CNNM2: variants seen among roughly 807,000 people sequenced by gnomAD.
CNNM2 encodes the protein metal transporter CNNM2.
A neutral mutation model predicts 66.9 loss-of-function variants in CNNM2; 12 were observed. The observed-to-expected ratio is 0.18, with a 90% confidence interval of 0.11 to 0.29. The LOEUF (loss-of-function observed/expected upper bound fraction) is 0.29, where lower values mean the gene tolerates loss of function less well. CNNM2 is among the 10% of genes least tolerant of loss of function. The pLI is 1.00. For synonymous variants in CNNM2, 557 were observed against 501.8 expected (o/e 1.11, Z -1.47); for missense variants, 705 against 1,167.7 (o/e 0.60, Z 5.77).
Position 103,086,128 on chromosome 10 carries a change from T to C in CNNM2, c.*8948T>C, listed in dbSNP as rs920189507. ...ATCCCTGCTCCTTAGCAGTAGTGCA[T>C]GTTTTTCTTCTATCTGCAGGGTTGC... is the stretch of plus-strand genomic sequence containing the variant. On this transcript the variant is annotated 3_prime_UTR_variant, in exon 8 of 8. Coordinates refer to ENST00000369878, the MANE Select transcript of CNNM2 (RefSeq NM_017649.5). The C allele has an allele frequency of 2.0e-5, 3 of 152,304 alleles. No homozygotes were observed. Among genetic ancestry groups the C allele is most frequent in the Non-Finnish European group, 2.9e-5 (2 of 68,042 alleles). The allele number at this position is 152,304 out of a possible 1,614,324, so 9.4% of individuals were successfully genotyped here.
chr10:103,009,193 T>TGGGAGGC (rs1409868764), intron 1 of CNNM2, among the ~76,000 whole-genome samples: 1 of 152,124 alleles, frequency 6.6e-6, no homozygotes, highest in Non-Finnish European at 1.5e-5. Context: ...GGAGAAGCAC[T>TGGGAGGC]TGAACCAGGA....
Position 103,086,325 on chromosome 10 carries a change from G to A in CNNM2, c.*9145G>A, listed in dbSNP as rs2065809611. On this transcript the variant is annotated 3_prime_UTR_variant, in exon 8 of 8. Coordinates refer to ENST00000369878, the MANE Select transcript of CNNM2 (RefSeq NM_017649.5). ...TGAGCCCTAAACTACTAAGCCCAGT[G>A]AGGAATTGGAGCGTTAACTGTATGG... The A allele has an allele frequency of 1.3e-5, 2 of 152,188 alleles. No homozygotes were observed. The highest frequency in any genetic ancestry group is 6.5e-5 in the Admixed American group (1 of 15,280). The allele number at this position is 152,188 out of a possible 1,614,324, so 9.4% of individuals were successfully genotyped here.
intron 1 of CNNM2, among the ~76,000 whole-genome samples, chr10:103,041,976 C>T (rs1355455747): frequency 6.6e-6 from 1 of 152,146 alleles, no homozygotes; most frequent in Non-Finnish European, 1.5e-5. Flanking sequence ...CTGTAGCTTA[C>T]CTCTGTGTCT....
intron 1 of CNNM2, among the ~76,000 whole-genome samples, chr10:102,984,078 A>G (rs1306870229): frequency 6.6e-6 from 1 of 152,180 alleles, no homozygotes; most frequent in Non-Finnish European, 1.5e-5. Flanking sequence ...TTATGAGCCT[A>G]CTGTTGGTTG....
intron 1 of CNNM2, among the ~76,000 whole-genome samples, chr10:102,929,714 A>G (rs1846002844): frequency 6.6e-6 from 1 of 152,190 alleles, no homozygotes; most frequent in Admixed American, 6.5e-5. Context: ...TCATCCGTTG[A>G]TAGACATTTA....
chr10:103,053,503 A>C (rs2065248857), intron 2 of CNNM2, among the ~76,000 whole-genome samples: 1 of 152,230 alleles, frequency 6.6e-6, no homozygotes, highest in Admixed American at 6.5e-5. Flanking sequence ...GCAATAGAGC[A>C]AGAGCCTGTC....
At chr10:103,000,297 G>T (rs572205389) in intron 1 of CNNM2, among the ~76,000 whole-genome samples, 7 of 151,566 alleles carry the variant, frequency 4.6e-5, no homozygotes, top group East Asian at 1.9e-4. Context: ...TGGAATAGCT[G>T]CTATAGAAAA....
intron 4 of CNNM2, among the ~76,000 whole-genome samples, chr10:103,064,432 C>T (rs574402795): frequency 6.6e-6 from 1 of 152,184 alleles, no homozygotes; most frequent in Non-Finnish European, 1.5e-5. Context: ...CTCACTATTT[C>T]GCCCAGGCTA....
chr10:102,921,530 C>T (rs138527934), intron 1 of CNNM2, among the ~76,000 whole-genome samples: 99 of 152,248 alleles, frequency 6.5e-4, no homozygotes, highest in African/African-American at 2.1e-3. Flanking sequence ...CATTTAAAAG[C>T]AGAAGGAGGT....
At chr10:103,000,518 A>G (rs890690560) in intron 1 of CNNM2, among the ~76,000 whole-genome samples, 4 of 151,852 alleles carry the variant, frequency 2.6e-5, no homozygotes, top group Non-Finnish European at 4.4e-5. Context: ...CAGTGGTGCA[A>G]TCTCGGCTCA....
At chr10:102,926,882 AT>A (rs1295985208) in intron 1 of CNNM2, among the ~76,000 whole-genome samples, 3 of 151,194 alleles carry the variant, frequency 2.0e-5, no homozygotes, top group Non-Finnish European at 3.0e-5. Flanking sequence ...TGCCCGGCTA[AT>A]TTTTTTTGTA....
At chr10:102,970,480 C>T (rs1482147652) in intron 1 of CNNM2, among the ~76,000 whole-genome samples, 1 of 152,176 alleles carries the variant, frequency 6.6e-6, no homozygotes, top group South Asian at 2.1e-4. Context: ...GTACAGCCTG[C>T]GTAGCCTAAA....
intron 1 of CNNM2, among the ~76,000 whole-genome samples, chr10:103,036,268 C>T (rs2064936377): frequency 6.6e-6 from 1 of 152,186 alleles, no homozygotes; most frequent in Non-Finnish European, 1.5e-5. Flanking sequence ...GCTGGAATCC[C>T]ACAGGCACAG....
chr10:103,003,803 TGTATCCCCCC>T (rs1268614420), intron 1 of CNNM2, among the ~76,000 whole-genome samples: 1 of 151,896 alleles, frequency 6.6e-6, no homozygotes, highest in African/African-American at 2.4e-5. Context: ...TCCTAGTTAC[TGTATCCCCCC>T]GGGTAACCAC....
intron 1 of CNNM2, among the ~76,000 whole-genome samples, chr10:103,034,210 TAATA>T (rs1311098325): frequency 4.0e-5 from 6 of 151,804 alleles, no homozygotes; most frequent in African/African-American, 1.5e-4. Context: ...AAATGTATAA[TAATA>T]AATAATAGCA....
At chr10:103,042,079 C>G (rs2065050336) in intron 1 of CNNM2, among the ~76,000 whole-genome samples, 1 of 152,238 alleles carries the variant, frequency 6.6e-6, no homozygotes, top group Non-Finnish European at 1.5e-5. Context: ...GCCTTCTAGA[C>G]TGATGCCATG....
At chr10:102,963,176 T>G (rs1463671482) in intron 1 of CNNM2, among the ~76,000 whole-genome samples, 1 of 152,204 alleles carries the variant, frequency 6.6e-6, no homozygotes, top group Non-Finnish European at 1.5e-5. Flanking sequence ...CAGTACTTAA[T>G]AAGTGATATG....
chr10:103,064,341 G>A (rs544117824), intron 4 of CNNM2, among the ~76,000 whole-genome samples: 52 of 152,262 alleles, frequency 3.4e-4, no homozygotes, highest in African/African-American at 1.2e-3. Flanking sequence ...AAATTTGAGG[G>A]GTTAAATGTC....
At chr10:103,068,582 T>G (rs760873082) in intron 4 of CNNM2, 47 bp from the exon 5 acceptor site, 2 of 1,471,224 alleles carry the variant, frequency 1.4e-6, no homozygotes, top group Admixed American at 3.8e-5. Context: ...AGTGTGCCAG[T>G]AGGCTTTTGC....
Sources: gnomAD v4.1 joint callset for allele counts (sites outside exome capture counted in the v4.1 genomes callset) on GRCh38, gnomAD v4.1.1 for gene constraint, MANE v1.5 for transcripts, NCBI Gene and HGNC (gene_info 2026-07-23, HGNC 2026-07-21) for gene names.